The following SUPT3H variants were observed in gnomAD, a reference collection of about 807,000 sequenced individuals.
SUPT3H encodes SPT3 homolog, SAGA and STAGA complex component, also known as transcription initiation protein SPT3 homolog.
A neutral mutation model predicts 44.3 loss-of-function variants in SUPT3H; 44 were observed. That is an observed-to-expected ratio of 0.99 (90% CI 0.78 to 1.28). The LOEUF is 1.28. SUPT3H is among the 50% of genes most tolerant of loss of function. SUPT3H has a pLI of 0.00. For missense variants in SUPT3H, 380 were observed against 387.1 expected (o/e 0.98, Z 0.15); for synonymous variants, 124 against 125.6 (o/e 0.99, Z 0.09).
intron 2 of SUPT3H, among the ~76,000 whole-genome samples, chr6:45,127,026 T>A (rs1208991279): frequency 6.6e-6 from 1 of 152,048 alleles, no homozygotes; most frequent in Non-Finnish European, 1.5e-5. Context: ...TAATAAAAAA[T>A]AACTATGGGC....
intron 2 of SUPT3H, among the ~76,000 whole-genome samples, chr6:45,171,017 G>A (rs1740084166): frequency 6.6e-6 from 1 of 152,170 alleles, no homozygotes; most frequent in South Asian, 2.1e-4. Context: ...GGCAAGTCAA[G>A]TAAGCTCTCT....
intron 10 of SUPT3H, among the ~76,000 whole-genome samples, chr6:44,867,138 T>G (rs1357662737): frequency 6.6e-6 from 1 of 152,052 alleles, no homozygotes; most frequent in East Asian, 1.9e-4. Flanking sequence ...GACAGTTACT[T>G]ATAAAGGAAG....
intron 2 of SUPT3H, chr6:45,197,799 G>A (rs140119510): frequency 0.013 from 2,213 of 173,066 alleles, 25 homozygotes; most frequent in Non-Finnish European, 0.016. Flanking sequence ...GACTTTGTTA[G>A]ATAATTGCTT....
chr6:45,255,621 C>T (rs1773249415), intron 2 of SUPT3H, among the ~76,000 whole-genome samples: 1 of 151,830 alleles, frequency 6.6e-6, no homozygotes, highest in African/African-American at 2.4e-5. Context: ...TGGGGTCTCA[C>T]TATGTTGCCC....
At chr6:45,158,914 C>T (rs183995846) in intron 2 of SUPT3H, 1 of 152,064 alleles carries the variant, frequency 6.6e-6, no homozygotes, top group South Asian at 2.1e-4. Flanking sequence ...GTTACAAGAT[C>T]AAAAAAATCA....
chr6:45,372,995 C>CA (rs1335309937), intron 1 of SUPT3H, among the ~76,000 whole-genome samples: 2 of 152,114 alleles, frequency 1.3e-5, no homozygotes, highest in Non-Finnish European at 2.9e-5. Flanking sequence ...TTTTAGTAGA[C>CA]AGAGTTTCAC....
chr6:45,086,846 A>C (rs540720091), intron 3 of SUPT3H, among the ~76,000 whole-genome samples: 3 of 151,914 alleles, frequency 2.0e-5, no homozygotes, highest in Non-Finnish European at 4.4e-5. Flanking sequence ...ATAAAATTTA[A>C]TATTTAAGAT....
intron 3 of SUPT3H, among the ~76,000 whole-genome samples, chr6:45,100,120 C>T (rs781235884): frequency 2.2e-4 from 34 of 152,020 alleles, no homozygotes; most frequent in Non-Finnish European, 4.3e-4. Context: ...AATCTAAGAA[C>T]CAAAACTTTA....
Position 45,295,380 on chromosome 6 carries a change from T to C in SUPT3H, c.101+69821A>G, listed in dbSNP as rs552322531. Reference sequence around the variant, plus strand: ...GACTTAAATTTAAGACCTGAAACTATAAAAGTTCCAGAAGGTAACATTGGA... The same window carrying C: ...GACTTAAATTTAAGACCTGAAACTACAAAAGTTCCAGAAGGTAACATTGGA... On this transcript the variant is annotated intron_variant, in intron 2 of 10. Coordinates refer to ENST00000371459, the MANE Select transcript of SUPT3H (RefSeq NM_003599.4). 3.9e-5 allele frequency among the ~76,000 whole-genome samples: 6 copies of C among 152,124 alleles called. No homozygotes were observed. In the East Asian group the frequency reaches 7.7e-4, roughly 20 times the overall value.
intron 6 of SUPT3H, among the ~76,000 whole-genome samples, chr6:45,000,733 C>A (rs527532054): frequency 4.6e-5 from 7 of 152,126 alleles, no homozygotes; most frequent in Admixed American, 4.6e-4. Flanking sequence ...CTAGATTCCA[C>A]TATTAAGCCT....
chr6:44,845,128 C>T (rs1332058399), intron 10 of SUPT3H, among the ~76,000 whole-genome samples: 1 of 152,158 alleles, frequency 6.6e-6, no homozygotes, highest in East Asian at 1.9e-4. Flanking sequence ...ACTAGAGTTC[C>T]TTAAGACCAA....
At chr6:45,248,504 A>T (rs1157858266) in intron 2 of SUPT3H, among the ~76,000 whole-genome samples, 1 of 152,216 alleles carries the variant, frequency 6.6e-6, no homozygotes, top group African/African-American at 2.4e-5. Flanking sequence ...ATCATTAGTC[A>T]CTAGGAAATG....
intron 2 of SUPT3H, among the ~76,000 whole-genome samples, chr6:45,270,635 T>A (rs572222898): frequency 2.6e-5 from 4 of 152,274 alleles, no homozygotes; most frequent in African/African-American, 9.6e-5. Flanking sequence ...AATTGCCCAG[T>A]CTGGAGTATG....
chr6:44,825,370 G>T (rs1767663791), downstream of SUPT3H, among the ~76,000 whole-genome samples: 1 of 152,178 alleles, frequency 6.6e-6, no homozygotes, highest in African/African-American at 2.4e-5. Flanking sequence ...GTTCTGAGAA[G>T]TGCTTCTAGG....
intron 3 of SUPT3H, among the ~76,000 whole-genome samples, chr6:45,028,183 A>G (rs1024235362): frequency 4.6e-5 from 7 of 152,224 alleles, no homozygotes; most frequent in Non-Finnish European, 8.8e-5. Flanking sequence ...ACTTGTGTCT[A>G]GGATTTCTAA....
chr6:44,906,268 G>T (rs1766057190), intron 10 of SUPT3H, among the ~76,000 whole-genome samples: 1 of 152,122 alleles, frequency 6.6e-6, no homozygotes, highest in African/African-American at 2.4e-5. Flanking sequence ...AGATTAGATA[G>T]TAGTATTTAA....
chr6:44,997,979 A>G (rs1781495848), intron 6 of SUPT3H, among the ~76,000 whole-genome samples: 1 of 151,946 alleles, frequency 6.6e-6, no homozygotes. Flanking sequence ...ACTCAAGGAA[A>G]AAATCCTACT....
chr6:45,037,750 G>A (rs1043656563), intron 3 of SUPT3H, among the ~76,000 whole-genome samples: 1 of 150,662 alleles, frequency 6.6e-6, no homozygotes, highest in African/African-American at 2.4e-5. Context: ...GTTTATTTCA[G>A]TAGGAAAACA....
At chr6:45,212,668 G>A (rs1413457268) in intron 2 of SUPT3H, among the ~76,000 whole-genome samples, 1 of 152,048 alleles carries the variant, frequency 6.6e-6, no homozygotes, top group Non-Finnish European at 1.5e-5. Flanking sequence ...CTAATCACTT[G>A]AATACCTAAA....
Sources: gnomAD v4.1 joint callset for allele counts (sites outside exome capture counted in the v4.1 genomes callset) on GRCh38, gnomAD v4.1.1 for gene constraint, MANE v1.5 for transcripts, NCBI Gene and HGNC (gene_info 2026-07-23, HGNC 2026-07-21) for gene names.